The following TMEM177 variants were observed in gnomAD, a reference collection of about 807,000 sequenced individuals.
TMEM177 encodes the protein transmembrane protein 177.
In TMEM177, 4 loss-of-function variants were observed where a neutral mutation model predicts 14.2. The observed-to-expected ratio is 0.28, with a 90% confidence interval of 0.14 to 0.64. The LOEUF (loss-of-function observed/expected upper bound fraction) is 0.64, where lower values mean the gene tolerates loss of function less well. Among genes scored for constraint, TMEM177 ranks in the 30% least tolerant of loss-of-function variants. The pLI, the probability that TMEM177 is intolerant of heterozygous loss-of-function variation, is 0.82. For missense variants in TMEM177, 344 were observed against 405.2 expected, an observed-to-expected ratio of 0.85 and a Z score of 1.30; for synonymous variants, 179 against 174.5, an observed-to-expected ratio of 1.03 and a Z score of -0.20.
Position 119,679,485 on chromosome 2 carries a change from G to GA in TMEM177, c.-23+220dup, listed in dbSNP as rs907751923. The GA allele has an allele frequency of 5.3e-3, 774 of 145,340 alleles. 8 individuals are homozygous for GA. Among genetic ancestry groups the GA allele is most frequent in the African/African-American group, 0.018 (711 of 39,802 alleles). The allele number at this position is 145,340 out of a possible 1,614,324, so 9.0% of individuals were successfully genotyped here. A position where few individuals can be genotyped will look rare whatever the true frequency, so the allele number is the denominator to read the frequency against. ...TTCTTAGCCTCACTTTCCGCATTGG[G>GA]AAAAAAAAAAAGCCCGAATGATAAT... is the stretch of plus-strand genomic sequence containing the variant. On this transcript the variant is annotated intron_variant, in intron 1 of 1. Coordinates refer to ENST00000272521, the MANE Select transcript of TMEM177 (RefSeq NM_030577.3).
chr2:119,692,256 C>A, the TMEM177 span, among the ~76,000 whole-genome samples: 1 of 152,212 alleles, frequency 6.6e-6, no homozygotes, highest in Non-Finnish European at 1.5e-5. Context: ...TTTTGTTTTG[C>A]CTCCTAAGAT....
chr2:119,701,255 T>C, the TMEM177 span, among the ~76,000 whole-genome samples: 1 of 152,062 alleles, frequency 6.6e-6, no homozygotes, highest in Non-Finnish European at 1.5e-5. Context: ...CCTAGAGCCA[T>C]AGGGGAACAG....
the TMEM177 span, among the ~76,000 whole-genome samples, chr2:119,723,175 T>C: frequency 6.6e-6 from 1 of 152,154 alleles, no homozygotes; most frequent in African/African-American, 2.4e-5. Context: ...AAATGCTTTA[T>C]AAAAAAGCCA....
At chr2:119,692,969 CAAAAAAAAAA>C in the TMEM177 span, among the ~76,000 whole-genome samples, 15 of 52,196 alleles carry the variant, frequency 2.9e-4, no homozygotes, top group African/African-American at 4.4e-4. Flanking sequence ...GAGATTGTCT[CAAAAAAAAAA>C]AAAAAAAAAA....
chr2:119,679,632 A>T (rs761216086), intron 1 of TMEM177: 2 of 152,214 alleles, frequency 1.3e-5, no homozygotes, highest in Non-Finnish European at 2.9e-5. Context: ...GTTTCAATCA[A>T]AGTGAAATAA....
At chr2:119,709,221 G>A in the TMEM177 span, among the ~76,000 whole-genome samples, 1 of 152,212 alleles carries the variant, frequency 6.6e-6, no homozygotes, top group Non-Finnish European at 1.5e-5. Flanking sequence ...CTCACTAAGT[G>A]CCTGTGGCCT....
chr2:119,694,654 G>T, the TMEM177 span, among the ~76,000 whole-genome samples: 5 of 152,204 alleles, frequency 3.3e-5, no homozygotes, highest in Admixed American at 6.5e-5. Context: ...TTTCATATGC[G>T]CAGGGTCACT....
At chr2:119,710,711 G>C in the TMEM177 span, among the ~76,000 whole-genome samples, 1 of 151,812 alleles carries the variant, frequency 6.6e-6, no homozygotes, top group Admixed American at 6.6e-5. Flanking sequence ...CCGGGTTCAC[G>C]CCTTTCTCCT....
chr2:119,688,922 C>T (rs925264934), downstream of TMEM177, among the ~76,000 whole-genome samples: 1 of 152,190 alleles, frequency 6.6e-6, no homozygotes, highest in Admixed American at 6.5e-5. Flanking sequence ...TGCTTTCCAC[C>T]AGCGATGGAG....
intron 1 of TMEM177, among the ~76,000 whole-genome samples, chr2:119,679,824 G>T (rs1218799380): frequency 1.3e-5 from 2 of 152,172 alleles, no homozygotes; most frequent in African/African-American, 4.8e-5. Context: ...TTGTAATTTG[G>T]CATAACAAGT....
chr2:119,717,668 G>T, the TMEM177 span, among the ~76,000 whole-genome samples: 2 of 142,890 alleles, frequency 1.4e-5, no homozygotes, highest in Non-Finnish European at 3.0e-5. Flanking sequence ...GAGTGCAGTG[G>T]CGCAATCTTG....
At chr2:119,693,972 A>ACACACAAACACACCAC in the TMEM177 span, among the ~76,000 whole-genome samples, 4 of 6,316 alleles carry the variant, frequency 6.3e-4, no homozygotes, top group African/African-American at 5.2e-3. Flanking sequence ...ACCACACACA[A>ACACACAAACACACCAC]ACACATACCA....
chr2:119,699,578 G>A, the TMEM177 span, among the ~76,000 whole-genome samples: 1 of 152,148 alleles, frequency 6.6e-6, no homozygotes, highest in Non-Finnish European at 1.5e-5. Context: ...GGAAGAGGAG[G>A]GGCCAGGCTC....
the TMEM177 span, among the ~76,000 whole-genome samples, chr2:119,693,922 ATGC>A: frequency 0.026 from 74 of 2,872 alleles, no homozygotes; most frequent in South Asian, 0.04. Context: ...CACATCACAC[ATGC>A]CACACACATC....
the TMEM177 span, among the ~76,000 whole-genome samples, chr2:119,705,302 T>C: frequency 2.6e-5 from 4 of 152,178 alleles, no homozygotes; most frequent in South Asian, 2.1e-4. Context: ...CTCACAAGGC[T>C]GCAATCAAAG....
At chr2:119,714,001 A>G in the TMEM177 span, among the ~76,000 whole-genome samples, 5 of 152,234 alleles carry the variant, frequency 3.3e-5, no homozygotes, top group South Asian at 2.1e-4. Flanking sequence ...CAGGTAGTTC[A>G]GGATGACTGA....
At chr2:119,695,702 C>G in the TMEM177 span, among the ~76,000 whole-genome samples, 1 of 152,250 alleles carries the variant, frequency 6.6e-6, no homozygotes, top group Non-Finnish European at 1.5e-5. Flanking sequence ...ACATATTTAT[C>G]AGTTTGTAAA....
the TMEM177 span, among the ~76,000 whole-genome samples, chr2:119,692,500 G>A: frequency 6.6e-6 from 1 of 152,240 alleles, no homozygotes; most frequent in East Asian, 1.9e-4. Flanking sequence ...GCGCTGGGGT[G>A]GCCCTCCACA....
downstream of TMEM177, among the ~76,000 whole-genome samples, chr2:119,684,901 C>G (rs1463105781): frequency 6.6e-6 from 1 of 152,160 alleles, no homozygotes; most frequent in Non-Finnish European, 1.5e-5. Context: ...AGGTTGATCT[C>G]AGAAAGGTGA....
Sources: allele counts gnomAD v4.1 joint callset (sites outside exome capture counted in the v4.1 genomes callset), GRCh38; gene constraint gnomAD v4.1.1; transcripts MANE v1.5; gene names NCBI Gene and HGNC (gene_info 2026-07-23, HGNC 2026-07-21).